Variants in PFKFB1 observed in about 807,000 individuals in gnomAD.
PFKFB1 encodes the protein 6-phosphofructo-2-kinase/fructose-2,6-bisphosphatase 1.
PFKFB1 carries 34 observed loss-of-function variants against 46.4 expected under a neutral mutation model. The ratio of observed to expected loss-of-function variants is 0.73; its 90% confidence interval spans 0.56 to 0.98. The LOEUF (loss-of-function observed/expected upper bound fraction) is 0.98, where lower values mean the gene tolerates loss of function less well. PFKFB1 is among the 50% of genes least tolerant of loss of function. PFKFB1 has a pLI of 0.00. For synonymous variants in PFKFB1, 119 were observed against 133.8 expected (o/e 0.89, Z 0.76); for missense variants, 393 against 376.3 (o/e 1.04, Z -0.37).
At chrX:54,956,330 C>A (rs1235672182) in intron 6 of PFKFB1, 56 bp from the exon 7 acceptor site, 1 of 1,189,949 alleles carries the variant, frequency 8.4e-7, no homozygotes. Context: ...AGATGGTTTT[C>A]TTTGGAAGTT....
intron 1 of PFKFB1, among the ~76,000 whole-genome samples, chrX:54,989,653 T>C (rs1165807621): frequency 2.7e-5 from 3 of 112,198 alleles, no homozygotes; most frequent in African/African-American, 9.7e-5. Context: ...ATTTACCAGA[T>C]TGTCCATAAG....
chrX:54,972,494 T>C (rs1934702309), intron 1 of PFKFB1, among the ~76,000 whole-genome samples: 1 of 111,323 alleles, frequency 9.0e-6, no homozygotes, highest in Non-Finnish European at 1.9e-5. Context: ...ATAGCTCTTA[T>C]TATTTGAGAT....
intron 10 of PFKFB1, among the ~76,000 whole-genome samples, chrX:54,944,601 T>C (rs192190906): frequency 1.8e-5 from 2 of 111,901 alleles, no homozygotes; most frequent in Admixed American, 9.5e-5. Context: ...TCAGATAAAA[T>C]ACGTTTTTAG....
At chrX:54,948,168 C>T (rs1463125281) in intron 9 of PFKFB1, among the ~76,000 whole-genome samples, 1 of 111,286 alleles carries the variant, frequency 9.0e-6, no homozygotes, top group Admixed American at 9.5e-5. Context: ...AGTGATCCTC[C>T]CACCTAGCCC....
intron 1 of PFKFB1, among the ~76,000 whole-genome samples, chrX:54,972,930 T>C (rs1934721469): frequency 8.9e-6 from 1 of 111,833 alleles, no homozygotes; most frequent in Non-Finnish European, 1.9e-5. Flanking sequence ...TTCCTCCTTG[T>C]ACCTCTGGTA....
At chrX:54,992,765 C>A (rs1191072527) in intron 1 of PFKFB1, among the ~76,000 whole-genome samples, 1 of 111,573 alleles carries the variant, frequency 9.0e-6, no homozygotes, top group African/African-American at 3.3e-5. Context: ...AACTAAACAG[C>A]CCCTTGGAAA....
intron 8 of PFKFB1, among the ~76,000 whole-genome samples, chrX:54,950,195 T>C (rs775951531): frequency 8.9e-6 from 1 of 112,458 alleles, no homozygotes; most frequent in East Asian, 2.8e-4. Context: ...GCTATAGGCG[T>C]TTCATACATA....
intron 8 of PFKFB1, among the ~76,000 whole-genome samples, chrX:54,949,453 A>C (rs1235343873): frequency 9.2e-6 from 1 of 108,588 alleles, no homozygotes; most frequent in Non-Finnish European, 1.9e-5. Flanking sequence ...AGAGAGAGAG[A>C]GAGCGCTTAT....
At chrX:54,963,513 A>C in intron 1 of PFKFB1, 131 bp from the exon 2 acceptor site, 1 of 650,234 alleles carries the variant, frequency 1.5e-6, no homozygotes, top group Non-Finnish European at 2.3e-6. Flanking sequence ...GGAAAGTGAA[A>C]ATTAAGAACT....
intron 1 of PFKFB1, among the ~76,000 whole-genome samples, chrX:54,982,203 G>T (rs1213156878): frequency 9.0e-6 from 1 of 111,697 alleles, no homozygotes; most frequent in Admixed American, 9.5e-5. Context: ...TTTTAAAGAA[G>T]AATTAATGCA....
At chrX:54,944,396 G>A (rs1278579596) in intron 10 of PFKFB1, among the ~76,000 whole-genome samples, 1 of 111,576 alleles carries the variant, frequency 9.0e-6, no homozygotes, top group Non-Finnish European at 1.9e-5. Flanking sequence ...TACAATAAAA[G>A]TAAATATACC....
At chrX:54,994,634 C>A (rs1935330489), upstream of PFKFB1, 5 of 752,517 alleles carry the variant, frequency 6.6e-6, no homozygotes, top group South Asian at 2.0e-4. Context: ...CAATTAGAGG[C>A]CCAAACTGGA....
At chrX:54,988,549 C>G (rs1935163058) in intron 1 of PFKFB1, among the ~76,000 whole-genome samples, 1 of 111,450 alleles carries the variant, frequency 9.0e-6, no homozygotes, top group Non-Finnish European at 1.9e-5. Flanking sequence ...CTGAAAAAGA[C>G]CAAAATTAGA....
chrX:54,973,126 A>G (rs760665154), intron 1 of PFKFB1, among the ~76,000 whole-genome samples: 8 of 111,675 alleles, frequency 7.2e-5, no homozygotes, highest in African/African-American at 9.7e-5. Context: ...GTTTATTTGC[A>G]TAGAGGTGTT....
At chrX:54,981,459 C>G (rs1234421937) in intron 1 of PFKFB1, among the ~76,000 whole-genome samples, 1 of 111,090 alleles carries the variant, frequency 9.0e-6, no homozygotes, top group East Asian at 2.8e-4. Context: ...TAACTTTTAA[C>G]CCAGAATTGT....
At chrX:54,972,701 G>C (rs920913184) in intron 1 of PFKFB1, among the ~76,000 whole-genome samples, 2 of 111,671 alleles carry the variant, frequency 1.8e-5, no homozygotes, top group African/African-American at 3.3e-5. Flanking sequence ...CTTGAGCATG[G>C]TGGATAAGCT....
chrX:54,956,174 G>T lies in PFKFB1; in HGVS notation c.617C>A (p.Pro206His), dbSNP rs774408939. The change falls in exon 7 of 14, where the codon CCC (proline) becomes CAC (histidine). Residue 206 changes from proline (P) to histidine (H), a missense_variant. By Grantham distance (77) the Pro-to-His change is moderately conservative. Coordinates refer to ENST00000375006, the MANE Select transcript of PFKFB1 (RefSeq NM_002625.4). ...TTACCTGTCCAGTTCCTCATCCAAG[G>T]GTTGGTAGTTGACCTCATAGCACTC... ...RIECYEVNYQ[P>H]LDEELDSHLS... 1.1e-5 allele frequency: 13 copies of T among 1,205,861 alleles called. No individual in the cohort carries two copies. In the South Asian group the frequency reaches 1.9e-4, roughly 18 times the overall value.
intron 1 of PFKFB1, among the ~76,000 whole-genome samples, chrX:54,991,907 G>A (rs1484534528): frequency 9.0e-6 from 1 of 111,647 alleles, no homozygotes; most frequent in Non-Finnish European, 1.9e-5. Context: ...ACATGTTAAT[G>A]TATTTAATCT....
At chrX:54,943,571 G>C (rs910041620) in intron 10 of PFKFB1, among the ~76,000 whole-genome samples, 4 of 110,686 alleles carry the variant, frequency 3.6e-5, no homozygotes, top group African/African-American at 1.3e-4. Context: ...CTAACACGGT[G>C]ATACCCCGTC....
Sources: allele counts gnomAD v4.1 joint callset (sites outside exome capture counted in the v4.1 genomes callset), GRCh38; gene constraint gnomAD v4.1.1; transcripts MANE v1.5; gene names NCBI Gene and HGNC (gene_info 2026-07-23, HGNC 2026-07-21).